Variants in SLC13A4 observed in about 807,000 individuals in gnomAD.
The protein encoded by SLC13A4 is Na(+)/sulfate cotransporter SUT-1.
A neutral mutation model predicts 72.7 loss-of-function variants in SLC13A4; 28 were observed. That is an observed-to-expected ratio of 0.39 (90% CI 0.29 to 0.53). The LOEUF is 0.53. SLC13A4 is among the 20% of genes least tolerant of loss of function. The pLI is 0.78. For missense variants in SLC13A4, 653 were observed against 788.0 expected, an observed-to-expected ratio of 0.83 and a Z score of 2.05; for synonymous variants, 312 against 325.5, an observed-to-expected ratio of 0.96 and a Z score of 0.45.
chr7:135,723,122 T>G (rs1392573808), intron 1 of SLC13A4, among the ~76,000 whole-genome samples: 1 of 152,134 alleles, frequency 6.6e-6, no homozygotes, highest in Admixed American at 6.5e-5. Context: ...GTAAAATGAT[T>G]CCTGGTTGAG....
chr7:135,686,526 C>T (rs576423547), intron 13 of SLC13A4, among the ~76,000 whole-genome samples: 11 of 152,266 alleles, frequency 7.2e-5, no homozygotes, highest in African/African-American at 2.6e-4. Context: ...CAGGCACATA[C>T]CATCACGCCC....
rs374778475 is a variant in SLC13A4 at position 135,702,848 on chromosome 7, G to A, written c.630C>T (p.Asn210=). The A allele has an allele frequency of 2.8e-5, 45 of 1,613,560 alleles. No homozygotes were observed. Among genetic ancestry groups the A allele is most frequent in the East Asian group, 1.6e-4 (7 of 44,886 alleles). The change falls in exon 6 of 16, where the codon AAC becomes AAT. Residue 210 remains asparagine (N), a synonymous_variant. Transcript: ENST00000682651. The part of the protein sequence containing the change: ...SNADLTTLMH[N]ENLNGVPSIT... ...CAGAAAAACCCCAAGGCCATACCTC[G>A]TTGTGCATCAGAGTGGTGAGGTCTG...
Position 135,681,418 on chromosome 7 carries a change from G to T in SLC13A4, c.*145C>A. ...GGATTCCTGCAGTTCACTTGAGGTG[G>T]CGGAATCTTCTGGTGGAGGGATGCC... On this transcript the variant is annotated 3_prime_UTR_variant, in exon 16 of 16. Coordinates refer to ENST00000682651, the MANE Select transcript of SLC13A4 (RefSeq NM_001318192.2). 2.1e-6 allele frequency: 2 copies of T among 953,114 alleles called. No homozygotes were observed. The highest frequency in any genetic ancestry group is 3.1e-6 in the Non-Finnish European group (2 of 653,142). The allele number at this position is 953,114 out of a possible 1,614,324, so 59.0% of individuals were successfully genotyped here. A position where few individuals can be genotyped will look rare whatever the true frequency, so the allele number is the denominator to read the frequency against.
chr7:135,727,519 C>T lies in SLC13A4; in HGVS notation c.-23G>A, dbSNP rs3800767. On this transcript the variant is annotated 5_prime_UTR_variant, in exon 1 of 16. Transcript: ENST00000682651. ...CATCGCGCCTCTGTCCTCTCCAGCT[C>T]GTCCTTGGACCCCGCTCTGCCGGCG... 0.011 allele frequency: 17,239 copies of T among 1,541,990 alleles called. 459 individuals are homozygous for T. The highest frequency in any genetic ancestry group is 0.099 in the East Asian group (4,029 of 40,646).
At chr7:135,723,987 T>C (rs1415707500) in intron 1 of SLC13A4, among the ~76,000 whole-genome samples, 1 of 152,202 alleles carries the variant, frequency 6.6e-6, no homozygotes, top group African/African-American at 2.4e-5. Context: ...TAAAACTACC[T>C]AAAGGAGTTC....
intron 8 of SLC13A4, 85 bp downstream of exon 8, chr7:135,699,279 T>C: frequency 7.7e-7 from 1 of 1,291,744 alleles, no homozygotes; most frequent in African/African-American, 1.5e-5. Flanking sequence ...CTATTCTCAT[T>C]TTCTACCATA....
Position 135,701,733 on chromosome 7 carries a change from T to G in SLC13A4, c.661A>C (p.Asn221His), listed in dbSNP as rs1161828364. 3 of 1,613,952 alleles carry G rather than the reference T, an allele frequency of 1.9e-6. No individual in the cohort carries two copies. The South Asian group carries it at 3.3e-5, about 18-fold the overall frequency. ...ENLNGVPSIT[N>H]PIKTANQHQG... Reference sequence around the variant, plus strand: ...TGTTGGTTTGCAGTTTTGATGGGGTTGGTGATCGAGGGCACACCATTCAGG... The same window carrying G: ...TGTTGGTTTGCAGTTTTGATGGGGTGGGTGATCGAGGGCACACCATTCAGG... The change falls in exon 7 of 16, where the codon AAC (asparagine) becomes CAC (histidine). Residue 221 changes from asparagine to histidine, a missense_variant. Asn to His is a moderately conservative substitution (Grantham distance 68). Coordinates refer to ENST00000682651, the MANE Select transcript of SLC13A4 (RefSeq NM_001318192.2).
intron 13 of SLC13A4, among the ~76,000 whole-genome samples, chr7:135,690,176 G>A: frequency 1.2e-5 from 1 of 85,808 alleles, no homozygotes. Context: ...GTGAGACTCT[G>A]TCTCAAAAAA....
chr7:135,715,130 CGT>C (rs1445084882), intron 2 of SLC13A4, among the ~76,000 whole-genome samples: 10 of 149,494 alleles, frequency 6.7e-5, no homozygotes, highest in Non-Finnish European at 1.0e-4. Flanking sequence ...TGTGTGTATG[CGT>C]GTGTGAGAAT....
At chr7:135,707,589 A>G (rs1796194511) in intron 3 of SLC13A4, 1 of 152,392 alleles carries the variant, frequency 6.6e-6, no homozygotes, top group African/African-American at 2.4e-5. Flanking sequence ...GCTGAAGCTA[A>G]CACAAAACTC....
At chr7:135,685,822 G>A (rs1214418127) in intron 13 of SLC13A4, 139 bp from the exon 14 acceptor site, 9 of 734,384 alleles carry the variant, frequency 1.2e-5, no homozygotes, top group Non-Finnish European at 2.0e-5. Context: ...TGGAACCAGA[G>A]GTGTTCCTGA....
chr7:135,694,158 T>C lies in SLC13A4; in HGVS notation c.1100A>G (p.Tyr367Cys), dbSNP rs1795851702. 6.2e-7 allele frequency: 1 copy of C among 1,610,622 alleles called. No individual in the cohort carries two copies. Residue 367 changes from tyrosine to cysteine, a missense_variant, in exon 10 of 16, where the codon TAT (tyrosine) becomes TGT (cysteine). By Grantham distance (194) the Tyr-to-Cys change is radical (BLOSUM62 -2). Coordinates refer to ENST00000682651, the MANE Select transcript of SLC13A4 (RefSeq NM_001318192.2). ...QLSEKRIQEE[Y>C]EKLGDISYPE... is the part of the protein sequence containing the mutation. ...TTACCTAATGTCTCCCAGTTTTTCA[T>C]ATTCTTCTTGGATCCTCTTCTCTGA...
At position 135,692,443 on chromosome 7, in the gene SLC13A4, A is replaced by G. The variant is rs1795809244; in HGVS notation, c.1122-19T>C. ...TGGGTAGCTATAAAATAAAACAGAA[A>G]GACCCACTCAGGAACTGAGAAATTT... On this transcript the variant is annotated intron_variant, in intron 10 of 15. Coordinates refer to ENST00000682651, the MANE Select transcript of SLC13A4 (RefSeq NM_001318192.2). 1.9e-6 allele frequency: 3 copies of G among 1,558,070 alleles called. No individual in the cohort carries two copies. The highest frequency in any genetic ancestry group is 2.6e-6 in the Non-Finnish European group (3 of 1,138,972).
At position 135,681,415 on chromosome 7, in the gene SLC13A4, G is replaced by A. The variant is rs896505860; in HGVS notation, c.*148C>T. On this transcript the variant is annotated 3_prime_UTR_variant, in exon 16 of 16. Coordinates refer to ENST00000682651, the MANE Select transcript of SLC13A4 (RefSeq NM_001318192.2). ...GGAGGATTCCTGCAGTTCACTTGAG[G>A]TGGCGGAATCTTCTGGTGGAGGGAT... The A allele has an allele frequency of 5.3e-5, 48 of 907,752 alleles. 2 individuals carry two copies. The South Asian group carries it at 6.1e-4, about 12-fold the overall frequency. 56.2% of individuals were successfully genotyped at this position (907,752 alleles called of 1,614,324 possible). A position where few individuals can be genotyped will look rare whatever the true frequency, so the allele number is the denominator to read the frequency against.
chr7:135,727,590 T>C lies in SLC13A4; in HGVS notation c.-94A>G. 2.1e-6 allele frequency: 3 copies of C among 1,423,482 alleles called. No homozygotes were observed. Among genetic ancestry groups the C allele is most frequent in the Non-Finnish European group, 2.8e-6 (3 of 1,068,280 alleles). 88.2% of individuals were successfully genotyped at this position (1,423,482 alleles called of 1,614,324 possible). On this transcript the variant is annotated 5_prime_UTR_variant, in exon 1 of 16. Transcript: ENST00000682651. ...CTGCTCTCTATCCAGAAAGACTTCT[T>C]AAACCTTTCTTGGCTTCCGAGAGTC...
At chr7:135,685,428 A>C in intron 14 of SLC13A4, 94 bp downstream of exon 14, 2 of 1,062,632 alleles carry the variant, frequency 1.9e-6, no homozygotes, top group South Asian at 3.0e-5. Flanking sequence ...ACCAGAGGAG[A>C]GCCTACAGCT....
chr7:135,701,836 C>A lies in SLC13A4; in HGVS notation c.634-76G>T. The stretch of plus-strand genomic sequence containing the variant: ...GGTGCCTCGAGAAGGACCACCTAGT[C>A]ATCCCAGGGCCACCCCATGCCTCAG... On this transcript the variant is annotated intron_variant, in intron 6 of 15. Coordinates refer to ENST00000682651, the MANE Select transcript of SLC13A4 (RefSeq NM_001318192.2). 2.1e-6 allele frequency: 3 copies of A among 1,404,554 alleles called. No individual in the cohort carries two copies. In the South Asian group the frequency reaches 3.6e-5, roughly 17 times the overall value. 87.0% of individuals were successfully genotyped at this position (1,404,554 alleles called of 1,614,324 possible). A position where few individuals can be genotyped will look rare whatever the true frequency, so the allele number is the denominator to read the frequency against.
intron 2 of SLC13A4, among the ~76,000 whole-genome samples, chr7:135,721,154 G>T (rs1327493926): frequency 6.6e-6 from 1 of 152,236 alleles, no homozygotes; most frequent in Non-Finnish European, 1.5e-5. Flanking sequence ...GTTTAATCAA[G>T]TAAGGCTTCC....
At chr7:135,725,804 T>A (rs764548115) in intron 1 of SLC13A4, among the ~76,000 whole-genome samples, 19 of 143,294 alleles carry the variant, frequency 1.3e-4, no homozygotes, top group African/African-American at 3.2e-4. Context: ...ACAAAAAAAA[T>A]TTTTTTAAAA....
Sources: gnomAD v4.1 joint callset for allele counts (sites outside exome capture counted in the v4.1 genomes callset) on GRCh38, gnomAD v4.1.1 for gene constraint, MANE v1.5 for transcripts, NCBI Gene and HGNC (gene_info 2026-07-23, HGNC 2026-07-21) for gene names.